MROH1: variants seen among roughly 807,000 people sequenced by gnomAD.
The protein encoded by MROH1 is maestro heat like repeat family member 1.
A neutral mutation model predicts 116.5 loss-of-function variants in MROH1; 117 were observed. The ratio of observed to expected loss-of-function variants is 1.00; its 90% CI spans 0.86 to 1.17. The LOEUF (loss-of-function observed/expected upper bound fraction) is 1.17, where lower values mean the gene tolerates loss of function less well. Ranked by LOEUF, MROH1 falls within the 50% of genes most tolerant of loss-of-function variation. The pLI, the probability that MROH1 is intolerant of heterozygous loss-of-function variation, is 0.00. For missense variants in MROH1, 1,873 were observed against 1,338.5 expected (o/e 1.40, Z -6.23); for synonymous variants, 921 against 583.9 (o/e 1.58, Z -8.32).
intron 14 of MROH1, among the ~76,000 whole-genome samples, chr8:144,233,987 T>C (rs1335603845): frequency 6.6e-6 from 1 of 152,214 alleles, no homozygotes; most frequent in African/African-American, 2.4e-5. Flanking sequence ...CTGTATATGT[T>C]TGGGGAGTAG....
At chr8:144,167,469 T>TTG (rs1364747578) in intron 3 of MROH1, among the ~76,000 whole-genome samples, 4 of 123,562 alleles carry the variant, frequency 3.2e-5, no homozygotes, top group African/African-American at 6.8e-5. Context: ...GAGTGGCCAG[T>TTG]TGGGGTGGAG....
chr8:144,174,987 A>G, intron 4 of MROH1: 4 of 985,390 alleles, frequency 4.1e-6, no homozygotes, highest in South Asian at 4.7e-5. Context: ...ACTTCTCCCT[A>G]TTGTTTTCCT....
At chr8:144,149,144 A>G (rs996650896) in intron 1 of MROH1, among the ~76,000 whole-genome samples, 1 of 151,974 alleles carries the variant, frequency 6.6e-6, no homozygotes, top group Non-Finnish European at 1.5e-5. Flanking sequence ...AGGGCTGGAG[A>G]TGCGTGTGGG....
intron 12 of MROH1, among the ~76,000 whole-genome samples, chr8:144,207,701 G>A (rs746540499): frequency 2.6e-5 from 4 of 152,018 alleles, no homozygotes; most frequent in East Asian, 3.9e-4. Flanking sequence ...GTTGTTTGTC[G>A]TTTTATTATG....
Position 144,252,058 on chromosome 8 carries a change from C to T in MROH1, c.3428+1692C>T, listed in dbSNP as rs990714997. ...CCGGGTGCTGCTGCCCATCCTTTCT[C>T]CTTGCCGGACAGTGCTGGGTGCCGT... On this transcript the variant is annotated intron_variant, in intron 33 of 43. Coordinates refer to ENST00000326134, the MANE Select transcript of MROH1 (RefSeq NM_032450.3). 8.9e-4 allele frequency: 177 copies of T among 197,990 alleles called. 5 individuals are homozygous for T. The South Asian group carries it at 0.011, about 12-fold the overall frequency. 12.3% of individuals were successfully genotyped at this position (197,990 alleles called of 1,614,324 possible).
intron 14 of MROH1, among the ~76,000 whole-genome samples, chr8:144,225,191 A>G (rs940921805): frequency 1.3e-5 from 2 of 152,148 alleles, no homozygotes; most frequent in Non-Finnish European, 2.9e-5. Context: ...GGCATGCGCC[A>G]GCCACCATGG....
intron 33 of MROH1, chr8:144,254,587 G>C (rs1487958146): frequency 1.8e-6 from 1 of 561,584 alleles, no homozygotes; most frequent in African/African-American, 1.9e-5. Context: ...TATAGGCCCA[G>C]ATTTTTCTCT....
intron 42 of MROH1, 24 bp downstream of exon 42, chr8:144,261,240 C>T: frequency 2.6e-6 from 2 of 761,170 alleles, no homozygotes; most frequent in Non-Finnish European, 4.8e-6. Context: ...CCTGCCCCAC[C>T]CCCACGCCGC....
chr8:144,202,017 C>CAAA lies in MROH1; in HGVS notation c.1141+1476_1141+1477insAAA, dbSNP rs764827689. 4.4e-3 allele frequency among the ~76,000 whole-genome samples: 231 copies of CAAA among 52,796 alleles called. 2 individuals are homozygous for CAAA. Among genetic ancestry groups the CAAA allele is most frequent in the African/African-American group, 0.014 (223 of 16,296 alleles). The allele number at this position is 52,796 out of a possible 152,430, so 34.6% of individuals were successfully genotyped here. ...TGGACAACAGAGTGAGACTCCGTCT[C>CAAA]CAAAAAAAAAAAAAAAAAGAGAAAG... On this transcript the variant is annotated intron_variant, in intron 12 of 43. Transcript: ENST00000326134.
chr8:144,235,388 A>G (rs912654525), intron 14 of MROH1, among the ~76,000 whole-genome samples: 1 of 152,198 alleles, frequency 6.6e-6, no homozygotes, highest in South Asian at 2.1e-4. Context: ...AGAACGTCCA[A>G]TACTGTTGAA....
At chr8:144,170,741 A>G (rs1564386619) in intron 4 of MROH1, among the ~76,000 whole-genome samples, 1 of 152,208 alleles carries the variant, frequency 6.6e-6, no homozygotes, top group Non-Finnish European at 1.5e-5. Context: ...TTATGAACCC[A>G]GAGGCCCATG....
At chr8:144,232,491 TTTATTTATTTA>T (rs1447387293) in intron 14 of MROH1, among the ~76,000 whole-genome samples, 1 of 151,672 alleles carries the variant, frequency 6.6e-6, no homozygotes, top group Non-Finnish European at 1.5e-5. Context: ...TATTTATTTA[TTTATTTATTTA>T]TTTATTTTTG....
rs1269355063 is a variant in MROH1, at chr8:144,206,415, T to G, written c.1141+5874T>G. 2.6e-5 allele frequency among the ~76,000 whole-genome samples: 4 copies of G among 151,642 alleles called. No homozygotes were observed. The East Asian group carries it at 5.9e-4, about 22-fold the overall frequency. On this transcript the variant is annotated intron_variant, in intron 12 of 43. Transcript: ENST00000326134. ...TTTTCCTGTTAACAGACACTTGGGT[T>G]GTTCATGTTCTTTTTTTTTTTTTTG...
At position 144,197,774 on chromosome 8, in the gene MROH1, T is replaced by G. The variant is rs1437325113; in HGVS notation, c.949-1348T>G. On this transcript the variant is annotated intron_variant, in intron 10 of 43. Coordinates refer to ENST00000326134, the MANE Select transcript of MROH1 (RefSeq NM_032450.3). ...TTATGATCATATTTGGTCTTTACAG[T>G]AGAAATAACAAGGAGCACACCGGGG... 2.1e-5 allele frequency among the ~76,000 whole-genome samples: 3 copies of G among 145,310 alleles called. No individual in the cohort carries two copies. The East Asian group carries it at 6.5e-4, about 31-fold the overall frequency.
intron 13 of MROH1, among the ~76,000 whole-genome samples, chr8:144,220,893 C>G (rs1274131849): frequency 6.6e-6 from 1 of 152,314 alleles, no homozygotes; most frequent in South Asian, 2.1e-4. Context: ...TACACTGGCA[C>G]CAGTTATAGG....
intron 10 of MROH1, among the ~76,000 whole-genome samples, chr8:144,193,477 C>G (rs1318635897): frequency 1.3e-5 from 2 of 152,158 alleles, no homozygotes; most frequent in African/African-American, 2.4e-5. Flanking sequence ...AGGCCTTGGT[C>G]AAATCCCAGT....
intron 10 of MROH1, among the ~76,000 whole-genome samples, chr8:144,196,756 T>C (rs1056787627): frequency 6.6e-6 from 1 of 152,086 alleles, no homozygotes; most frequent in Non-Finnish European, 1.5e-5. Context: ...TTTGCATTAG[T>C]TATATATTGC....
At chr8:144,191,530 AG>A (rs1828594143) in intron 8 of MROH1, among the ~76,000 whole-genome samples, 184 bp from the exon 9 acceptor site, 4 of 152,138 alleles carry the variant, frequency 2.6e-5, no homozygotes, top group Non-Finnish European at 5.9e-5. Flanking sequence ...GGGCCTGGCC[AG>A]CATCTGGCTT....
At chr8:144,247,874 G>A (rs34366523) in intron 31 of MROH1, among the ~76,000 whole-genome samples, 195 bp downstream of exon 31, 62,864 of 152,228 alleles carry the variant, frequency 0.41, 15,426 homozygotes, top group East Asian at 0.72. Flanking sequence ...ACCCGCCTAC[G>A]CTGGGGCAGT....
Sources: allele counts gnomAD v4.1 joint callset (sites outside exome capture counted in the v4.1 genomes callset), GRCh38; gene constraint gnomAD v4.1.1; transcripts MANE v1.5; gene names NCBI Gene and HGNC (gene_info 2026-07-23, HGNC 2026-07-21).